Variants in ROBO2 observed in about 807,000 individuals in gnomAD.
ROBO2 encodes the protein roundabout guidance receptor 2.
A neutral mutation model predicts 160.8 loss-of-function variants in ROBO2; 53 were observed. The ratio of observed to expected loss-of-function variants is 0.33; its 90% CI spans 0.26 to 0.41. The LOEUF (loss-of-function observed/expected upper bound fraction) is 0.41, where lower values mean the gene tolerates loss of function less well. ROBO2 is among the 10% of genes least tolerant of loss of function. The probability of loss-of-function intolerance (pLI) is 1.00; values close to 1 mark genes in which losing one functional copy is unlikely to be tolerated. For synonymous variants in ROBO2, 664 were observed against 611.7 expected (o/e 1.09, Z -1.26); for missense variants, 1,577 against 1,722.4 (o/e 0.92, Z 1.49).
intron 5 of ROBO2, among the ~76,000 whole-genome samples, chr3:77,513,898 G>A (rs1439207870): frequency 6.6e-6 from 1 of 151,700 alleles, no homozygotes; most frequent in African/African-American, 2.4e-5. Flanking sequence ...TATCTCTATG[G>A]TGGGGACTGT....
chr3:77,293,646 T>C (rs2061607322), intron 2 of ROBO2, among the ~76,000 whole-genome samples: 1 of 139,084 alleles, frequency 7.2e-6, no homozygotes, highest in South Asian at 2.3e-4. Context: ...AAGCTGAGGC[T>C]AGATCACCCA....
chr3:76,702,129 A>C (rs1477495633), intron 2 of ROBO2, among the ~76,000 whole-genome samples: 3 of 152,056 alleles, frequency 2.0e-5, no homozygotes, highest in African/African-American at 7.2e-5. Flanking sequence ...ACCTATAATT[A>C]GCTCTTTAAT....
chr3:77,538,170 C>CTTTTTTT (rs59409802), intron 6 of ROBO2, among the ~76,000 whole-genome samples: 1 of 102,518 alleles, frequency 9.8e-6, no homozygotes. Context: ...TGATCATTTA[C>CTTTTTTT]TTTTTTTTTT....
intron 2 of ROBO2, among the ~76,000 whole-genome samples, chr3:76,208,623 A>G (rs1702953067): frequency 6.6e-6 from 1 of 152,126 alleles, no homozygotes; most frequent in Non-Finnish European, 1.5e-5. Context: ...ATAATCTGCC[A>G]CGTTGACTTC....
At chr3:76,609,065 T>C (rs901748277) in intron 2 of ROBO2, among the ~76,000 whole-genome samples, 3 of 152,236 alleles carry the variant, frequency 2.0e-5, no homozygotes, top group African/African-American at 7.2e-5. Flanking sequence ...TTCACTTAGA[T>C]AAATGGCCTC....
At chr3:75,983,510 G>A (rs1169044579) in intron 2 of ROBO2, among the ~76,000 whole-genome samples, 1 of 151,434 alleles carries the variant, frequency 6.6e-6, no homozygotes, top group Non-Finnish European at 1.5e-5. Context: ...TGTACAGTCA[G>A]AAGTCCTGTT....
chr3:77,615,329 G>A (rs775549301), intron 21 of ROBO2, among the ~76,000 whole-genome samples: 8 of 152,016 alleles, frequency 5.3e-5, no homozygotes, highest in Non-Finnish European at 7.4e-5. Context: ...CAATTGATGC[G>A]CCTACACTGA....
intron 2 of ROBO2, among the ~76,000 whole-genome samples, chr3:76,019,284 T>C (rs969569931): frequency 6.6e-6 from 1 of 151,530 alleles, no homozygotes; most frequent in Non-Finnish European, 1.5e-5. Flanking sequence ...TGAAGTTCCA[T>C]GTGTATCTGA....
chr3:76,720,057 G>A (rs1204577879), intron 2 of ROBO2, among the ~76,000 whole-genome samples: 4 of 152,052 alleles, frequency 2.6e-5, no homozygotes, highest in African/African-American at 7.2e-5. Flanking sequence ...CATCCAATGC[G>A]ATGGAATTAG....
intron 2 of ROBO2, among the ~76,000 whole-genome samples, chr3:76,064,520 A>T (rs139686780): frequency 6.6e-6 from 1 of 152,316 alleles, no homozygotes; most frequent in East Asian, 1.9e-4. Context: ...CCAAATTTAA[A>T]GGCAAATTAT....
At chr3:77,365,950 T>G (rs1278539385) in intron 2 of ROBO2, among the ~76,000 whole-genome samples, 1 of 152,176 alleles carries the variant, frequency 6.6e-6, no homozygotes, top group Non-Finnish European at 1.5e-5. Context: ...CTAGAAAAAT[T>G]ATTTTGATTG....
intron 2 of ROBO2, among the ~76,000 whole-genome samples, chr3:76,181,532 G>A (rs532883660): frequency 2.6e-3 from 388 of 152,152 alleles, no homozygotes; most frequent in Non-Finnish European, 4.5e-3. Context: ...GATAACTAGC[G>A]TACATTTCTG....
chr3:76,811,882 C>CTT (rs2065220888), intron 2 of ROBO2, among the ~76,000 whole-genome samples: 1 of 108,898 alleles, frequency 9.2e-6, no homozygotes, highest in African/African-American at 3.4e-5. Flanking sequence ...TCCTTCCTTC[C>CTT]TTTTTTGAGA....
intron 2 of ROBO2, among the ~76,000 whole-genome samples, chr3:77,472,436 G>A (rs2083450041): frequency 1.3e-5 from 2 of 152,218 alleles, no homozygotes; most frequent in African/African-American, 4.8e-5. Context: ...TATGTCGTAA[G>A]GTAGTAATTT....
At chr3:76,509,580 C>T (rs1320545856) in intron 2 of ROBO2, among the ~76,000 whole-genome samples, 1 of 151,986 alleles carries the variant, frequency 6.6e-6, no homozygotes, top group Non-Finnish European at 1.5e-5. Context: ...AATCAAGAGC[C>T]GTGAGTGGAA....
At chr3:76,720,788 G>A (rs1175033051) in intron 2 of ROBO2, among the ~76,000 whole-genome samples, 1 of 152,158 alleles carries the variant, frequency 6.6e-6, no homozygotes, top group Non-Finnish European at 1.5e-5. Context: ...TGCAAAGCCT[G>A]CCACTGAAGT....
At chr3:77,306,534 A>C (rs2063108019) in intron 2 of ROBO2, among the ~76,000 whole-genome samples, 1 of 152,166 alleles carries the variant, frequency 6.6e-6, no homozygotes, top group African/African-American at 2.4e-5. Flanking sequence ...ATAAACACAC[A>C]TTTTTAAAAA....
intron 2 of ROBO2, among the ~76,000 whole-genome samples, chr3:76,353,452 T>A (rs527569214): frequency 6.6e-6 from 1 of 152,092 alleles, no homozygotes; most frequent in African/African-American, 2.4e-5. Context: ...TTCATCTATA[T>A]AAAAGTCTTA....
intron 2 of ROBO2, among the ~76,000 whole-genome samples, chr3:76,798,259 G>GGAAAA (rs2063889886): frequency 1.1e-5 from 1 of 94,198 alleles, no homozygotes; most frequent in East Asian, 3.3e-4. Context: ...AAAGAAAGAA[G>GGAAAA]GAAAGAAAGA....
Sources: gnomAD v4.1 joint callset for allele counts (sites outside exome capture counted in the v4.1 genomes callset) on GRCh38, gnomAD v4.1.1 for gene constraint, MANE v1.5 for transcripts, NCBI Gene and HGNC (gene_info 2026-07-23, HGNC 2026-07-21) for gene names.